The following FER variants were observed in gnomAD, a reference collection of about 807,000 sequenced individuals.
FER encodes the protein tyrosine-protein kinase Fer.
A neutral mutation model predicts 111.0 loss-of-function variants in FER; 63 were observed. The observed-to-expected ratio is 0.57, with a 90% CI of 0.46 to 0.70. FER has a LOEUF of 0.70. Among genes scored for constraint, FER ranks in the 30% least tolerant of loss-of-function variants. FER has a pLI of 0.00. For synonymous variants in FER, 327 were observed against 313.9 expected, an observed-to-expected ratio of 1.04 and a Z score of -0.44; for missense variants, 914 against 954.0, an observed-to-expected ratio of 0.96 and a Z score of 0.55.
intron 14 of FER, among the ~76,000 whole-genome samples, chr5:109,043,395 TTAAGTA>T (rs1478266426): frequency 2.0e-5 from 3 of 152,204 alleles, no homozygotes; most frequent in Non-Finnish European, 2.9e-5. Context: ...TGTTTACTGT[TTAAGTA>T]TATTTTTTAT....
At chr5:109,015,147 A>G (rs776958322) in intron 13 of FER, among the ~76,000 whole-genome samples, 1 of 152,078 alleles carries the variant, frequency 6.6e-6, no homozygotes, top group African/African-American at 2.4e-5. Flanking sequence ...TGATTTGATA[A>G]GCCCCTTGTT....
intron 16 of FER, among the ~76,000 whole-genome samples, chr5:109,093,119 G>C (rs1406818894): frequency 6.6e-6 from 1 of 152,148 alleles, no homozygotes; most frequent in Non-Finnish European, 1.5e-5. Flanking sequence ...AAACAGTGTT[G>C]TTGTTCAATG....
intron 13 of FER, among the ~76,000 whole-genome samples, chr5:109,020,586 G>A (rs1767791927): frequency 6.6e-6 from 1 of 151,970 alleles, no homozygotes; most frequent in African/African-American, 2.4e-5. Context: ...AAATTGGCTT[G>A]CTGGAAATCT....
At chr5:109,059,670 G>A (rs949370660) in intron 16 of FER, among the ~76,000 whole-genome samples, 1 of 152,198 alleles carries the variant, frequency 6.6e-6, no homozygotes. Flanking sequence ...GTGGTGAAGA[G>A]TGGAGCTCTA....
chr5:109,005,369 G>T (rs7732787), intron 13 of FER, among the ~76,000 whole-genome samples: 1 of 121,934 alleles, frequency 8.2e-6, no homozygotes, highest in Admixed American at 7.5e-5. Flanking sequence ...AAACTATCCC[G>T]TGTGTGTGTG....
intron 10 of FER, among the ~76,000 whole-genome samples, chr5:108,909,520 A>G (rs1441384903): frequency 6.6e-6 from 1 of 152,180 alleles, no homozygotes; most frequent in East Asian, 1.9e-4. Flanking sequence ...GAAACAACTC[A>G]TTCCAAAGTA....
intron 9 of FER, among the ~76,000 whole-genome samples, chr5:108,892,163 T>A (rs529544192): frequency 0.015 from 2,326 of 152,290 alleles, 24 homozygotes; most frequent in Non-Finnish European, 0.022. Flanking sequence ...TGATTTATAG[T>A]CCTTTGGGTA....
At chr5:109,019,525 G>A (rs987616611) in intron 13 of FER, among the ~76,000 whole-genome samples, 2 of 151,650 alleles carry the variant, frequency 1.3e-5, no homozygotes, top group Admixed American at 1.3e-4. Context: ...AAGTGTGATC[G>A]CCAGACCAGT....
chr5:108,888,458 G>T (rs1747504945), intron 9 of FER, among the ~76,000 whole-genome samples: 1 of 151,902 alleles, frequency 6.6e-6, no homozygotes, highest in South Asian at 2.1e-4. Context: ...TACTTAAGAA[G>T]TACGGTCAGA....
intron 10 of FER, among the ~76,000 whole-genome samples, chr5:108,913,126 C>T (rs1360329965): frequency 1.3e-5 from 2 of 152,086 alleles, no homozygotes; most frequent in Admixed American, 6.6e-5. Flanking sequence ...ATGTAAATAT[C>T]CACAAATGGT....
At position 109,124,999 on chromosome 5, in the gene FER, T is replaced by C. The variant is rs1029001493; in HGVS notation, c.2048+24480T>C. Among the ~76,000 whole-genome samples, 10 of 146,476 alleles carry C rather than the reference T, an allele frequency of 6.8e-5. No homozygotes were observed. The Admixed American group carries it at 6.9e-4, about 10-fold the overall frequency. ...AGGCAGAGCTTGCAGTGAGCCGAGA[T>C]TGCACCACTGCACTCCAGCCTGGGC... is the stretch of plus-strand genomic sequence containing the variant. On this transcript the variant is annotated intron_variant, in intron 17 of 19. Transcript: ENST00000281092.
chr5:109,076,948 C>T (rs996359768), intron 16 of FER, among the ~76,000 whole-genome samples: 2 of 152,100 alleles, frequency 1.3e-5, no homozygotes, highest in African/African-American at 4.8e-5. Flanking sequence ...AGCCTGAGGC[C>T]CTATGGCCAG....
At chr5:109,109,149 T>C (rs1288311853) in intron 17 of FER, among the ~76,000 whole-genome samples, 1 of 152,148 alleles carries the variant, frequency 6.6e-6, no homozygotes, top group Non-Finnish European at 1.5e-5. Flanking sequence ...GCTCTGTGCA[T>C]GAATCCTAGG....
At chr5:108,958,148 AG>A (rs1758674221) in intron 12 of FER, among the ~76,000 whole-genome samples, 1 of 151,808 alleles carries the variant, frequency 6.6e-6, no homozygotes, top group African/African-American at 2.4e-5. Flanking sequence ...TCATTTAAAA[AG>A]TTTTATATAA....
intron 4 of FER, among the ~76,000 whole-genome samples, chr5:108,834,284 T>C (rs184084622): frequency 3.8e-4 from 58 of 152,316 alleles, no homozygotes; most frequent in African/African-American, 1.2e-3. Context: ...GAGTACATCA[T>C]AGGTGGTGGT....
At chr5:109,153,461 AG>A (rs1350745341) in intron 17 of FER, among the ~76,000 whole-genome samples, 7 of 151,906 alleles carry the variant, frequency 4.6e-5, no homozygotes, top group African/African-American at 1.7e-4. Context: ...AGGGAAAAAA[AG>A]GTTTGACTTA....
At chr5:109,070,542 C>T (rs1269315600) in intron 16 of FER, among the ~76,000 whole-genome samples, 1 of 151,886 alleles carries the variant, frequency 6.6e-6, no homozygotes, top group African/African-American at 2.4e-5. Context: ...AATAATATAA[C>T]ACTTATTGTA....
chr5:109,143,713 G>T (rs1753764397), intron 17 of FER, among the ~76,000 whole-genome samples: 1 of 150,350 alleles, frequency 6.7e-6, no homozygotes, highest in African/African-American at 2.5e-5. Flanking sequence ...GTTTTGTTTT[G>T]TTTTGTTTTT....
intron 2 of FER, among the ~76,000 whole-genome samples, chr5:108,771,598 C>G (rs1752908695): frequency 6.6e-6 from 1 of 152,128 alleles, no homozygotes; most frequent in Non-Finnish European, 1.5e-5. Context: ...TTCTGTATTT[C>G]TCTCTTTTCA....
Sources: allele counts gnomAD v4.1 joint callset (sites outside exome capture counted in the v4.1 genomes callset), GRCh38; gene constraint gnomAD v4.1.1; transcripts MANE v1.5; gene names NCBI Gene and HGNC (gene_info 2026-07-23, HGNC 2026-07-21).